Variants in RYR3 observed in about 807,000 individuals in gnomAD.
RYR3 encodes the protein brain ryanodine receptor-calcium release channel.
Under a neutral mutation model 584.3 loss-of-function variants are expected in RYR3, and 207 were observed. The observed-to-expected ratio is 0.35, with a 90% CI of 0.32 to 0.40. The LOEUF is 0.40. Among genes scored for constraint, RYR3 ranks in the 10% least tolerant of loss-of-function variants. RYR3 has a pLI of 1.00. For synonymous variants in RYR3, 2,416 were observed against 2,248.5 expected (o/e 1.07, Z -2.11); for missense variants, 5,616 against 6,089.2 (o/e 0.92, Z 2.59).
At chr15:33,665,922 A>G (rs1033163829) in intron 36 of RYR3, among the ~76,000 whole-genome samples, 19 of 152,250 alleles carry the variant, frequency 1.2e-4, no homozygotes, top group African/African-American at 4.3e-4. Flanking sequence ...GAAATTCTTC[A>G]CTAATGTATT....
intron 60 of RYR3, among the ~76,000 whole-genome samples, chr15:33,764,842 C>T (rs2072867604): frequency 6.6e-6 from 1 of 151,958 alleles, no homozygotes; most frequent in Admixed American, 6.6e-5. Context: ...ACTAGCCTGA[C>T]TAACATGGTG....
intron 62 of RYR3, among the ~76,000 whole-genome samples, chr15:33,771,063 T>G (rs758699968): frequency 3.3e-5 from 5 of 152,180 alleles, no homozygotes; most frequent in Admixed American, 1.3e-4. Context: ...TTTCCAGAGG[T>G]CTGATTAAGC....
intron 1 of RYR3, among the ~76,000 whole-genome samples, chr15:33,371,490 G>T (rs2040327991): frequency 1.3e-5 from 2 of 152,216 alleles, no homozygotes; most frequent in Non-Finnish European, 2.9e-5. Context: ...ACATTGATAA[G>T]CACTTTCTAT....
chr15:33,848,221 A>T (rs2078847271), intron 93 of RYR3, 70 bp from the exon 94 acceptor site: 1 of 1,590,572 alleles, frequency 6.3e-7, no homozygotes, highest in African/African-American at 1.4e-5. Context: ...TTAATTTGTG[A>T]CAAATACCTG....
Position 33,750,206 on chromosome 15 carries a change from T to A in RYR3, c.8319T>A (p.Thr2773=). The part of the protein sequence containing the change: ...HPLLVPYDTL[T]AKEKFKDREK... ...TTCTGGTACCATATGACACCTTGACTGCCAAGGAAAAGTTCAAGGACCGGG... is the reference window on the plus strand; with the variant it reads ...TTCTGGTACCATATGACACCTTGACAGCCAAGGAAAAGTTCAAGGACCGGG... Residue 2773 remains threonine, a synonymous_variant, in exon 57 of 104, where the codon ACT becomes ACA. Coordinates refer to ENST00000634891, the MANE Select transcript of RYR3 (RefSeq NM_001036.6). 3 of 1,609,698 alleles carry A rather than the reference T, an allele frequency of 1.9e-6. No individual in the cohort carries two copies. Among genetic ancestry groups the A allele is most frequent in the Non-Finnish European group, 2.5e-6 (3 of 1,178,028 alleles).
Position 33,385,046 on chromosome 15 carries a change from A to G in RYR3, c.51+73950A>G, listed in dbSNP as rs138310790. ...AGCAAGGTATACGAAAAAGAAAGCT[A>G]AACAGTTTCCTGTGAAATTTCACGT... is the stretch of plus-strand genomic sequence containing the variant. On this transcript the variant is annotated intron_variant, in intron 1 of 103. Coordinates refer to ENST00000634891, the MANE Select transcript of RYR3 (RefSeq NM_001036.6). 1.0e-3 allele frequency among the ~76,000 whole-genome samples: 154 copies of G among 152,358 alleles called. No individual in the cohort carries two copies. In the South Asian group the frequency reaches 0.01, roughly 10 times the overall value.
intron 12 of RYR3, among the ~76,000 whole-genome samples, chr15:33,572,638 TA>T (rs71117149): frequency 1.2e-4 from 12 of 101,580 alleles, no homozygotes; most frequent in Admixed American, 3.5e-4. Context: ...CTCATTAAAT[TA>T]AAAAAAAAAA....
At chr15:33,858,812 C>A (rs1388397040) in intron 99 of RYR3, 2 of 152,214 alleles carry the variant, frequency 1.3e-5, no homozygotes, top group African/African-American at 2.4e-5. Context: ...ATCTGTGTCT[C>A]AGGGACAGGG....
intron 3 of RYR3, among the ~76,000 whole-genome samples, chr15:33,525,775 G>C (rs1379843472): frequency 6.6e-6 from 1 of 152,110 alleles, no homozygotes; most frequent in Admixed American, 6.5e-5. Flanking sequence ...CTATTTAGTT[G>C]TCACTTGTAT....
In RYR3 at chr15:33,360,953, A is replaced by G. The variant is rs373089007; in HGVS notation, c.51+49857A>G. Among the ~76,000 whole-genome samples, 160 of 152,324 alleles carry G rather than the reference A, an allele frequency of 1.1e-3. 1 individual carries two copies. Among genetic ancestry groups the G allele is most frequent in the African/African-American group, 3.5e-3 (145 of 41,578 alleles). Reference sequence around the variant, plus strand: ...CATTGATTCCCTTCTCTCTGCCCCAATCCCACTGCTGTTCCCTAGCTTTCT... The same window carrying G: ...CATTGATTCCCTTCTCTCTGCCCCAGTCCCACTGCTGTTCCCTAGCTTTCT... On this transcript the variant is annotated intron_variant, in intron 1 of 103. Coordinates refer to ENST00000634891, the MANE Select transcript of RYR3 (RefSeq NM_001036.6).
Position 33,748,201 on chromosome 15 carries a change from G to A in RYR3, c.8077G>A (p.Glu2693Lys), listed in dbSNP as rs377292446. The A allele has an allele frequency of 1.9e-6, 3 of 1,613,866 alleles. No homozygotes were observed. The East Asian group carries it at 6.7e-5, about 36-fold the overall frequency. ...GACTGTGGAGAGGACCAAAGAGGGA[G>A]AAGCTTTGGTTCAACAGCGGGAAAA... ...GWTVERTKEG[E>K]ALVQQRENEK... is the part of the protein sequence containing the mutation. The change falls in exon 54 of 104, where the codon GAA becomes AAA. Residue 2693 changes from glutamate (E) to lysine (K), a missense_variant. Physicochemically the swap from Glu to Lys is moderately conservative, Grantham distance 56. Transcript: ENST00000634891.
chr15:33,809,519 G>C (rs1465165182), intron 70 of RYR3, among the ~76,000 whole-genome samples: 1 of 151,820 alleles, frequency 6.6e-6, no homozygotes, highest in Non-Finnish European at 1.5e-5. Flanking sequence ...GACCCACCAA[G>C]TGATTTCCCT....
At chr15:33,597,673 T>C (rs897215855) in intron 16 of RYR3, among the ~76,000 whole-genome samples, 14 of 152,132 alleles carry the variant, frequency 9.2e-5, no homozygotes, top group Non-Finnish European at 2.1e-4. Context: ...AGCATTTTAT[T>C]TAGTCTTTAA....
intron 1 of RYR3, among the ~76,000 whole-genome samples, chr15:33,451,854 T>A (rs941183041): frequency 6.6e-5 from 10 of 152,262 alleles, no homozygotes; most frequent in Non-Finnish European, 1.3e-4. Flanking sequence ...AGTTGATAAA[T>A]AAAGCTCATA....
intron 1 of RYR3, among the ~76,000 whole-genome samples, chr15:33,411,414 A>G (rs1324487924): frequency 6.6e-6 from 1 of 152,214 alleles, no homozygotes; most frequent in Non-Finnish European, 1.5e-5. Flanking sequence ...TGAAGCAAAC[A>G]AATCTATACG....
At chr15:33,860,767 G>C (rs1050792922) in intron 101 of RYR3, 108 bp downstream of exon 101, 2 of 886,292 alleles carry the variant, frequency 2.3e-6, no homozygotes, top group Admixed American at 2.5e-5. Context: ...TACTAAGCAA[G>C]AACGCAGTTT....
At chr15:33,450,088 A>T (rs1048509716) in intron 1 of RYR3, among the ~76,000 whole-genome samples, 1 of 40,404 alleles carries the variant, frequency 2.5e-5, no homozygotes, top group African/African-American at 1.5e-4. Flanking sequence ...ATTAATACCT[A>T]AAAAAAAAAA....
At chr15:33,802,835 C>G (rs1425342286) in intron 69 of RYR3, among the ~76,000 whole-genome samples, 1 of 152,198 alleles carries the variant, frequency 6.6e-6, no homozygotes, top group Non-Finnish European at 1.5e-5. Context: ...GTGCATCTCT[C>G]TCATTGCTGG....
intron 33 of RYR3, 41 bp downstream of exon 33, chr15:33,659,847 AAGC>A: frequency 1.5e-6 from 2 of 1,326,552 alleles, no homozygotes; most frequent in South Asian, 2.4e-5. Context: ...TGACAAGAGA[AAGC>A]AGCACTAACC....
Sources: gnomAD v4.1 joint callset for allele counts (sites outside exome capture counted in the v4.1 genomes callset) on GRCh38, gnomAD v4.1.1 for gene constraint, MANE v1.5 for transcripts, NCBI Gene and HGNC (gene_info 2026-07-23, HGNC 2026-07-21) for gene names.